Variants in ZNF680 observed in about 807,000 individuals in gnomAD.
ZNF680 encodes hypothetical protein FLJ90430.
In ZNF680, 6 loss-of-function variants were observed where a neutral mutation model predicts 12.1. The ratio of observed to expected loss-of-function variants is 0.49; its 90% CI spans 0.27 to 0.98. The LOEUF (loss-of-function observed/expected upper bound fraction) is 0.98, where lower values mean the gene tolerates loss of function less well. Ranked by LOEUF, ZNF680 falls within the 50% of genes least tolerant of loss-of-function variation. The pLI, the probability that ZNF680 is intolerant of heterozygous loss-of-function variation, is 0.12. For missense variants in ZNF680, 561 were observed against 616.3 expected, an observed-to-expected ratio of 0.91 and a Z score of 0.95; for synonymous variants, 170 against 199.3, an observed-to-expected ratio of 0.85 and a Z score of 1.24.
chr7:64,538,330 T>C (rs1185393883), intron 3 of ZNF680, among the ~76,000 whole-genome samples: 1 of 152,210 alleles, frequency 6.6e-6, no homozygotes, highest in Non-Finnish European at 1.5e-5. Context: ...AGAGTAATGA[T>C]GCCTCCTAGG....
At chr7:64,516,431 A>T (rs2116336338), downstream of ZNF680, among the ~76,000 whole-genome samples, 1 of 152,322 alleles carries the variant, frequency 6.6e-6, no homozygotes, top group Non-Finnish European at 1.5e-5. Flanking sequence ...AACTGTAAAA[A>T]TGGAAAATGG....
chr7:64,535,434 G>A (rs1584371072), intron 3 of ZNF680, among the ~76,000 whole-genome samples: 1 of 149,750 alleles, frequency 6.7e-6, no homozygotes, highest in Non-Finnish European at 1.5e-5. Flanking sequence ...GAGGGAGGGA[G>A]AGAGAGAGAG....
At chr7:64,519,458 C>G (rs1261576705), downstream of ZNF680, among the ~76,000 whole-genome samples, 2 of 151,600 alleles carry the variant, frequency 1.3e-5, no homozygotes, top group Non-Finnish European at 3.0e-5. Context: ...GTTGATCTAT[C>G]ATTTGATCTA....
At chr7:64,531,554 G>GCCACTGCACTCCAGCCT (rs1173803766) in intron 3 of ZNF680, among the ~76,000 whole-genome samples, 2 of 138,146 alleles carry the variant, frequency 1.4e-5, no homozygotes, top group Non-Finnish European at 3.0e-5. Flanking sequence ...CCAAGATCGT[G>GCCACTGCACTCCAGCCT]CCACTGCACT....
chr7:64,525,765 C>T (rs1791806185), intron 3 of ZNF680: 1 of 964,710 alleles, frequency 1.0e-6, no homozygotes, highest in Admixed American at 6.2e-5. Context: ...TTTTCTCCCA[C>T]ACAAAAATAA....
chr7:64,538,697 AT>A (rs1786313079), intron 3 of ZNF680, among the ~76,000 whole-genome samples: 1 of 152,222 alleles, frequency 6.6e-6, no homozygotes, highest in Admixed American at 6.5e-5. Context: ...TTATTTACAA[AT>A]GTTATAAATG....
At chr7:64,516,299 TA>T (rs1791353976), downstream of ZNF680, among the ~76,000 whole-genome samples, 1 of 152,198 alleles carries the variant, frequency 6.6e-6, no homozygotes. Flanking sequence ...GTTGCATTGC[TA>T]AAACTACATA....
intron 1 of ZNF680, among the ~76,000 whole-genome samples, chr7:64,554,506 T>C (rs1341608277): frequency 2.0e-5 from 3 of 152,156 alleles, no homozygotes; most frequent in East Asian, 3.9e-4. Flanking sequence ...CAACAGCTCA[T>C]TGAGAACGGG....
chr7:64,548,425 A>T (rs1786891154), intron 1 of ZNF680, among the ~76,000 whole-genome samples: 1 of 152,232 alleles, frequency 6.6e-6, no homozygotes, highest in Non-Finnish European at 1.5e-5. Context: ...TCAACCATTT[A>T]TCCAGTTACT....
chr7:64,550,075 G>T (rs931164366), intron 1 of ZNF680, among the ~76,000 whole-genome samples: 1 of 151,394 alleles, frequency 6.6e-6, no homozygotes, highest in African/African-American at 2.4e-5. Context: ...TGAGAGCAAA[G>T]ATTCAAATTG....
At chr7:64,514,227 C>T in the ZNF680 span, among the ~76,000 whole-genome samples, 1 of 152,068 alleles carries the variant, frequency 6.6e-6, no homozygotes, top group Non-Finnish European at 1.5e-5. Context: ...TATAAAATTG[C>T]CAAATTAATA....
At chr7:64,533,169 G>C (rs556098568) in intron 3 of ZNF680, among the ~76,000 whole-genome samples, 1 of 152,142 alleles carries the variant, frequency 6.6e-6, no homozygotes, top group African/African-American at 2.4e-5. Flanking sequence ...GTCCTAGCCA[G>C]AGCAATCAGA....
At chr7:64,560,314 A>C (rs1012958036) in intron 1 of ZNF680, among the ~76,000 whole-genome samples, 2 of 151,936 alleles carry the variant, frequency 1.3e-5, no homozygotes, top group African/African-American at 4.8e-5. Context: ...AGGCTTCACC[A>C]TGTTGGCCAG....
intron 3 of ZNF680, among the ~76,000 whole-genome samples, chr7:64,539,346 C>T (rs1262778691): frequency 1.0e-4 from 4 of 39,882 alleles, no homozygotes; most frequent in Admixed American, 2.8e-4. Context: ...AGCAAAACTT[C>T]GTCTCAAAAA....
At chr7:64,552,580 G>T (rs1249191819) in intron 1 of ZNF680, among the ~76,000 whole-genome samples, 3 of 152,092 alleles carry the variant, frequency 2.0e-5, no homozygotes, top group African/African-American at 7.2e-5. Flanking sequence ...AAGTATGTAA[G>T]ACTAGTATCT....
chr7:64,547,478 C>A (rs970658605), intron 1 of ZNF680, among the ~76,000 whole-genome samples: 2 of 152,188 alleles, frequency 1.3e-5, no homozygotes, highest in Non-Finnish European at 2.9e-5. Context: ...TAAGCAGGTA[C>A]TATGTCCTCA....
Position 64,522,299 on chromosome 7 carries a change from T to G in ZNF680, c.455A>C (p.Lys152Thr). The change falls in exon 4 of 4, where the codon AAA (lysine) becomes ACA (threonine). Residue 152 changes from lysine to threonine, a missense_variant. By Grantham distance (78) the Lys-to-Thr change is moderately conservative. Coordinates refer to ENST00000309683, the MANE Select transcript of ZNF680 (RefSeq NM_178558.5). ...LNQCLRTTQS[K>T]IFQCDKYVKV... ...CACGTATTTATCACATTGAAATATT[T>G]TGCTCTGGGTAGTTCTCAAACATTG... is the stretch of plus-strand genomic sequence containing the variant. 1.2e-6 allele frequency: 2 copies of G among 1,613,162 alleles called. No homozygotes were observed. Among genetic ancestry groups the G allele is most frequent in the Non-Finnish European group, 1.7e-6 (2 of 1,179,470 alleles).
chr7:64,554,665 A>G (rs1436288743), intron 1 of ZNF680, among the ~76,000 whole-genome samples: 1 of 152,210 alleles, frequency 6.6e-6, no homozygotes, highest in African/African-American at 2.4e-5. Flanking sequence ...CTGCCTTGGG[A>G]TGCTGTTAAT....
At chr7:64,540,112 T>C (rs952144846) in intron 3 of ZNF680, among the ~76,000 whole-genome samples, 3 of 152,170 alleles carry the variant, frequency 2.0e-5, no homozygotes, top group Non-Finnish European at 4.4e-5. Flanking sequence ...AAATATATAT[T>C]CATCATTAAA....
Sources: allele counts gnomAD v4.1 joint callset (sites outside exome capture counted in the v4.1 genomes callset), GRCh38; gene constraint gnomAD v4.1.1; transcripts MANE v1.5; gene names NCBI Gene and HGNC (gene_info 2026-07-23, HGNC 2026-07-21).